The following CELF2 variants were observed in gnomAD, a reference collection of about 807,000 sequenced individuals.
The protein encoded by CELF2 is CUGBP Elav-like family member 2.
CELF2 carries 8 observed loss-of-function variants against 62.6 expected under a neutral mutation model. The ratio of observed to expected loss-of-function variants is 0.13; its 90% confidence interval spans 0.07 to 0.23. The LOEUF is 0.23. Among genes scored for constraint, CELF2 ranks in the 10% least tolerant of loss-of-function variants. The pLI is 1.00. For synonymous variants in CELF2, 258 were observed against 250.0 expected (o/e 1.03, Z -0.30); for missense variants, 333 against 671.0 (o/e 0.50, Z 5.56).
chr10:11,092,066 C>A (rs1454134230), intron 1 of CELF2, among the ~76,000 whole-genome samples: 1 of 152,148 alleles, frequency 6.6e-6, no homozygotes, highest in Admixed American at 6.5e-5. Context: ...TCTGTAACTT[C>A]TAATCCAAGG....
chr10:10,466,350 T>G, the CELF2 span, among the ~76,000 whole-genome samples: 2 of 152,166 alleles, frequency 1.3e-5, no homozygotes, highest in Non-Finnish European at 2.9e-5. Context: ...TTTTGCGTAC[T>G]GACTTTCAGA....
At chr10:11,099,125 G>A (rs1029040670) in intron 1 of CELF2, among the ~76,000 whole-genome samples, 2 of 152,182 alleles carry the variant, frequency 1.3e-5, no homozygotes, top group Admixed American at 1.3e-4. Flanking sequence ...TCAGTTGGAA[G>A]GAACTATTTG....
At chr10:10,691,955 G>A in the CELF2 span, among the ~76,000 whole-genome samples, 1 of 151,684 alleles carries the variant, frequency 6.6e-6, no homozygotes, top group East Asian at 1.9e-4. Context: ...CATTTTGTAG[G>A]TTGCCTGTTC....
the CELF2 span, among the ~76,000 whole-genome samples, chr10:10,563,351 C>T: frequency 6.6e-5 from 10 of 152,218 alleles, 1 homozygote; most frequent in South Asian, 1.7e-3. Context: ...TGGCTCCCAC[C>T]TCTAATCCCA....
intron 1 of CELF2, among the ~76,000 whole-genome samples, chr10:10,864,830 T>C (rs547200769): frequency 2.0e-5 from 3 of 152,348 alleles, no homozygotes; most frequent in Admixed American, 2.0e-4. Flanking sequence ...ACTTCATGTG[T>C]CATTTTTCCC....
chr10:10,536,460 CAAAT>C, the CELF2 span, among the ~76,000 whole-genome samples: 9 of 152,196 alleles, frequency 5.9e-5, no homozygotes, highest in Admixed American at 5.9e-4. Context: ...GCTCTGTCAG[CAAAT>C]ATTCCTTCTT....
chr10:10,911,141 A>C (rs2063774865), intron 1 of CELF2, among the ~76,000 whole-genome samples: 1 of 152,218 alleles, frequency 6.6e-6, no homozygotes, highest in African/African-American at 2.4e-5. Context: ...GAAAGAAAGC[A>C]AACATAAGCC....
the CELF2 span, among the ~76,000 whole-genome samples, chr10:10,600,811 G>A: frequency 1.3e-5 from 2 of 152,158 alleles, no homozygotes; most frequent in African/African-American, 4.8e-5. Flanking sequence ...GCACCACTGT[G>A]AGCAATCTAT....
At chr10:11,118,669 T>C (rs116011788) in intron 1 of CELF2, among the ~76,000 whole-genome samples, 8,481 of 152,234 alleles carry the variant, frequency 0.056, 282 homozygotes, top group Middle Eastern at 0.065. Context: ...TGGATTTTCC[T>C]CACCAGTTCA....
At chr10:10,851,503 A>G (rs1036623231) in intron 1 of CELF2, among the ~76,000 whole-genome samples, 6 of 152,230 alleles carry the variant, frequency 3.9e-5, no homozygotes, top group African/African-American at 1.2e-4. Context: ...AGAAAGCATC[A>G]GAGAAAATGT....
chr10:11,236,274 C>G (rs2071236408), intron 3 of CELF2, among the ~76,000 whole-genome samples: 1 of 152,130 alleles, frequency 6.6e-6, no homozygotes, highest in East Asian at 1.9e-4. Context: ...TAGTTTTGAA[C>G]CAGAGATTTT....
At chr10:10,475,760 G>A in the CELF2 span, among the ~76,000 whole-genome samples, 4 of 151,988 alleles carry the variant, frequency 2.6e-5, no homozygotes, top group Non-Finnish European at 5.9e-5. Flanking sequence ...ATTTTTTTAT[G>A]CATAAAAGAC....
intron 3 of CELF2, among the ~76,000 whole-genome samples, chr10:11,239,429 A>G (rs892274458): frequency 1.3e-5 from 2 of 152,184 alleles, no homozygotes; most frequent in African/African-American, 4.8e-5. Context: ...GAGAAAGGCC[A>G]TTCTCTCCAA....
intron 1 of CELF2, among the ~76,000 whole-genome samples, chr10:10,843,115 G>A (rs956471221): frequency 3.9e-5 from 6 of 151,978 alleles, no homozygotes; most frequent in South Asian, 4.2e-4. Context: ...TCCCTTCAAC[G>A]TCCGTGGGAT....
At chr10:10,875,221 A>G (rs2061007056) in intron 1 of CELF2, among the ~76,000 whole-genome samples, 1 of 152,250 alleles carries the variant, frequency 6.6e-6, no homozygotes, top group African/African-American at 2.4e-5. Flanking sequence ...CAGCAGAAGT[A>G]TAATTCAATT....
chr10:10,656,240 TG>T, the CELF2 span, among the ~76,000 whole-genome samples: 2 of 151,268 alleles, frequency 1.3e-5, no homozygotes, highest in Non-Finnish European at 2.9e-5. Flanking sequence ...GGAGAGGATG[TG>T]GAGAAATGGG....
the CELF2 span, among the ~76,000 whole-genome samples, chr10:10,546,334 C>T: frequency 6.6e-6 from 1 of 152,144 alleles, no homozygotes; most frequent in Non-Finnish European, 1.5e-5. Context: ...AATAGCCTCA[C>T]GGATGCTTTT....
At chr10:10,726,671 T>G in the CELF2 span, among the ~76,000 whole-genome samples, 1 of 152,216 alleles carries the variant, frequency 6.6e-6, no homozygotes, top group African/African-American at 2.4e-5. Context: ...TAATGTTTAC[T>G]TTGGGGGGAA....
chr10:10,518,433 C>T, the CELF2 span, among the ~76,000 whole-genome samples: 1 of 152,296 alleles, frequency 6.6e-6, no homozygotes, highest in African/African-American at 2.4e-5. Flanking sequence ...TGGTTTGCTA[C>T]TGTGTGACCT....
Sources: gnomAD v4.1 joint callset for allele counts (sites outside exome capture counted in the v4.1 genomes callset) on GRCh38, gnomAD v4.1.1 for gene constraint, MANE v1.5 for transcripts, NCBI Gene and HGNC (gene_info 2026-07-23, HGNC 2026-07-21) for gene names.